Variants in PRDM5 observed in about 807,000 individuals in gnomAD.
The protein encoded by PRDM5 is PR domain zinc finger protein 5.
In PRDM5, 56 loss-of-function variants were observed where a neutral mutation model predicts 81.2. That is an observed-to-expected ratio of 0.69 (90% CI 0.56 to 0.86). The LOEUF is 0.86. Among genes scored for constraint, PRDM5 ranks in the 40% least tolerant of loss-of-function variants. The pLI, the probability that PRDM5 is intolerant of heterozygous loss-of-function variation, is 0.00. For synonymous variants in PRDM5, 267 were observed against 256.4 expected, an observed-to-expected ratio of 1.04 and a Z score of -0.39; for missense variants, 697 against 770.1, an observed-to-expected ratio of 0.91 and a Z score of 1.12.
chr4:120,712,057 G>A (rs1185526779), intron 14 of PRDM5, among the ~76,000 whole-genome samples: 3 of 152,094 alleles, frequency 2.0e-5, no homozygotes, highest in South Asian at 2.1e-4. Flanking sequence ...AGGCCAAGGC[G>A]GACGAATTAT....
At chr4:120,688,467 G>A (rs1733915464), downstream of PRDM5, among the ~76,000 whole-genome samples, 1 of 152,116 alleles carries the variant, frequency 6.6e-6, no homozygotes, top group African/African-American at 2.4e-5. Context: ...TTGTGCAGAA[G>A]TTTTTAAGTT....
rs112077250 is a variant in PRDM5 at position 120,776,388 on chromosome 4, C to T, written c.1537+800G>A. Among the ~76,000 whole-genome samples the T allele has an allele frequency of 3.6e-3, 555 of 152,210 alleles. 2 individuals are homozygous for T. Among genetic ancestry groups the T allele is most frequent in the African/African-American group, 0.012 (518 of 41,548 alleles). ...TTGACAATACAGTTATTGTGCTAGACATTGAGCTAGGTACTGGGGATACAA... is the reference window on the plus strand; with the variant it reads ...TTGACAATACAGTTATTGTGCTAGATATTGAGCTAGGTACTGGGGATACAA... On this transcript the variant is annotated intron_variant, in intron 13 of 15. Coordinates refer to ENST00000264808, the MANE Select transcript of PRDM5 (RefSeq NM_018699.4).
intron 15 of PRDM5, among the ~76,000 whole-genome samples, chr4:120,706,764 A>G (rs1736229464): frequency 6.8e-6 from 1 of 147,496 alleles, no homozygotes; most frequent in Non-Finnish European, 1.5e-5. Context: ...AATTTTATAT[A>G]TATATATATA....
At chr4:120,849,291 G>T (rs537960278) in intron 3 of PRDM5, among the ~76,000 whole-genome samples, 1 of 152,212 alleles carries the variant, frequency 6.6e-6, no homozygotes, top group East Asian at 1.9e-4. Flanking sequence ...TAAATTTCAC[G>T]TGTCGCCAGA....
At chr4:120,816,351 T>C in intron 7 of PRDM5, 102 bp downstream of exon 7, 1 of 1,592,766 alleles carries the variant, frequency 6.3e-7, no homozygotes, top group South Asian at 1.1e-5. Context: ...TGAAACACAA[T>C]GGAAAAGCCA....
chr4:120,685,266 AAAGTTATTGATTAGATT>A (rs1419366408), intron 1 of PRDM5, among the ~76,000 whole-genome samples: 1 of 152,092 alleles, frequency 6.6e-6, no homozygotes, highest in Non-Finnish European at 1.5e-5. Flanking sequence ...TTATAAAATC[AAAGTTATTGATTAGATT>A]AAGTTTTAAG....
chr4:120,813,485 G>T (rs903740149), intron 7 of PRDM5, among the ~76,000 whole-genome samples: 3 of 152,002 alleles, frequency 2.0e-5, no homozygotes, highest in Admixed American at 2.0e-4. Flanking sequence ...TTTATTATAG[G>T]ACTGCATTTA....
chr4:120,809,767 A>C (rs1753567685), intron 8 of PRDM5, among the ~76,000 whole-genome samples: 1 of 152,220 alleles, frequency 6.6e-6, no homozygotes, highest in South Asian at 2.1e-4. Context: ...AATTGGAGTC[A>C]ATAAAAGTTG....
At chr4:120,749,880 C>T (rs1321829290) in intron 14 of PRDM5, among the ~76,000 whole-genome samples, 1 of 152,120 alleles carries the variant, frequency 6.6e-6, no homozygotes, top group East Asian at 1.9e-4. Flanking sequence ...GGGCAGAAAC[C>T]TCTTTCTCAT....
At chr4:120,716,135 A>G (rs843555) in intron 14 of PRDM5, among the ~76,000 whole-genome samples, 115,460 of 152,096 alleles carry the variant, frequency 0.76, 44,333 homozygotes, top group East Asian at 0.88. Flanking sequence ...ACACACACAC[A>G]TTATCCACTC....
chr4:120,885,950 G>C (rs1241236100), intron 2 of PRDM5, among the ~76,000 whole-genome samples: 1 of 151,998 alleles, frequency 6.6e-6, no homozygotes. Context: ...TCACACCTCA[G>C]GTTTTGCTGA....
chr4:120,761,624 C>T (rs1006231593), intron 13 of PRDM5, among the ~76,000 whole-genome samples: 2 of 152,046 alleles, frequency 1.3e-5, no homozygotes, highest in Admixed American at 1.3e-4. Flanking sequence ...ATCCTAAAGC[C>T]ACATCACTGA....
intron 10 of PRDM5, among the ~76,000 whole-genome samples, chr4:120,788,003 T>A (rs1750012464): frequency 6.6e-6 from 1 of 152,186 alleles, no homozygotes; most frequent in Non-Finnish European, 1.5e-5. Flanking sequence ...CCATTCAGTG[T>A]TGACTAAAGA....
intron 14 of PRDM5, among the ~76,000 whole-genome samples, chr4:120,736,534 G>A (rs1285293673): frequency 1.3e-5 from 2 of 152,056 alleles, no homozygotes; most frequent in African/African-American, 2.4e-5. Context: ...AGCCCTGAGC[G>A]TAAAGCCCAA....
chr4:120,702,093 C>G (rs1361868652), intron 15 of PRDM5, among the ~76,000 whole-genome samples: 1 of 152,186 alleles, frequency 6.6e-6, no homozygotes, highest in Non-Finnish European at 1.5e-5. Flanking sequence ...GTAATGCCTT[C>G]TAATGTGCAG....
chr4:120,821,359 T>G lies in PRDM5; in HGVS notation c.301-14A>C, dbSNP rs776367113. 32 of 1,606,680 alleles carry G rather than the reference T, an allele frequency of 2.0e-5. No individual in the cohort carries two copies. The highest frequency in any genetic ancestry group is 1.6e-4 in the Middle Eastern group (1 of 6,078). ...GTTTTCTCCTTCCTGAAACAAATTT[T>G]TTTAAATGCTGAACCATTCATTTGT... On this transcript the variant is annotated splice_polypyrimidine_tract_variant and intron_variant, in intron 3 of 15. Coordinates refer to ENST00000264808, the MANE Select transcript of PRDM5 (RefSeq NM_018699.4).
At chr4:120,792,349 G>A (rs1243425976) in intron 10 of PRDM5, among the ~76,000 whole-genome samples, 1 of 152,108 alleles carries the variant, frequency 6.6e-6, no homozygotes, top group Admixed American at 6.5e-5. Flanking sequence ...CTGTTGGGAA[G>A]GTTCACAACT....
chr4:120,771,006 T>C (rs1747211224), intron 13 of PRDM5, among the ~76,000 whole-genome samples: 1 of 152,172 alleles, frequency 6.6e-6, no homozygotes, highest in African/African-American at 2.4e-5. Context: ...TATATCCTTC[T>C]GTTTTTGTAA....
chr4:120,784,910 A>C (rs1749546632), intron 11 of PRDM5, 88 bp downstream of exon 11: 1 of 1,042,098 alleles, frequency 9.6e-7, no homozygotes, highest in Admixed American at 1.8e-5. Flanking sequence ...TTATAGGCAC[A>C]CCTCTGGGAT....
Sources: allele counts gnomAD v4.1 joint callset (sites outside exome capture counted in the v4.1 genomes callset), GRCh38; gene constraint gnomAD v4.1.1; transcripts MANE v1.5; gene names NCBI Gene and HGNC (gene_info 2026-07-23, HGNC 2026-07-21).